Variants in MGMT observed in about 807,000 individuals in gnomAD.
MGMT encodes the protein methylated-DNA--protein-cysteine methyltransferase.
MGMT carries 14 observed loss-of-function variants against 15.9 expected under a neutral mutation model. That is an observed-to-expected ratio of 0.88 (90% CI 0.58 to 1.37). The LOEUF (loss-of-function observed/expected upper bound fraction) is 1.37, where lower values mean the gene tolerates loss of function less well. Among genes scored for constraint, MGMT ranks in the 40% most tolerant of loss-of-function variants. The probability of loss-of-function intolerance (pLI) is 0.00; values close to 1 mark genes in which losing one functional copy is unlikely to be tolerated. For synonymous variants in MGMT, 130 were observed against 118.2 expected (o/e 1.10, Z -0.65); for missense variants, 282 against 268.1 (o/e 1.05, Z -0.36).
chr10:129,492,053 C>T (rs1345960877), intron 1 of MGMT, among the ~76,000 whole-genome samples: 1 of 151,956 alleles, frequency 6.6e-6, no homozygotes, highest in Non-Finnish European at 1.5e-5. Flanking sequence ...GACTGTAAAA[C>T]CTCTGGATTG....
At chr10:129,480,463 G>A (rs940272299) in intron 1 of MGMT, among the ~76,000 whole-genome samples, 1 of 152,206 alleles carries the variant, frequency 6.6e-6, no homozygotes, top group African/African-American at 2.4e-5. Flanking sequence ...AAATATTGAT[G>A]TTTCCTAATA....
chr10:129,670,680 C>T (rs1847711015), intron 2 of MGMT, among the ~76,000 whole-genome samples: 1 of 152,050 alleles, frequency 6.6e-6, no homozygotes, highest in Admixed American at 6.6e-5. Context: ...AAGTACAGAT[C>T]CTACAGACAT....
chr10:129,768,392 G>A lies in MGMT; in HGVS notation c.*1395G>A, dbSNP rs1384850888. On this transcript the variant is annotated 3_prime_UTR_variant, in exon 5 of 5. Transcript: ENST00000651593. ...CAGGATAAGTCACACAGCGGGTCACGTAGACACGTGCTGTTTTGTGGGACA... is the reference window on the plus strand; with the variant it reads ...CAGGATAAGTCACACAGCGGGTCACATAGACACGTGCTGTTTTGTGGGACA... 2.0e-5 allele frequency among the ~76,000 whole-genome samples: 3 copies of A among 152,252 alleles called. No individual in the cohort carries two copies. Among genetic ancestry groups the A allele is most frequent in the African/African-American group, 4.8e-5 (2 of 41,470 alleles).
intron 2 of MGMT, among the ~76,000 whole-genome samples, chr10:129,548,155 C>T (rs772562586): frequency 2.0e-5 from 3 of 152,144 alleles, no homozygotes; most frequent in Admixed American, 6.5e-5. Flanking sequence ...TAGGAAAATA[C>T]AAGGCTTGGG....
At chr10:129,703,217 C>T (rs918915655) in intron 2 of MGMT, among the ~76,000 whole-genome samples, 1 of 152,130 alleles carries the variant, frequency 6.6e-6, no homozygotes, top group Non-Finnish European at 1.5e-5. Flanking sequence ...AGATCTTCAG[C>T]ACAAGCATAA....
chr10:129,536,409 G>A lies in MGMT; in HGVS notation c.125+32G>A, dbSNP rs771069496. Reference sequence around the variant, plus strand: ...ATGAGCCCACGTGATCCTGTATACCGCACATGCTGAAGCAACCGAGGAGTA... The same window carrying A: ...ATGAGCCCACGTGATCCTGTATACCACACATGCTGAAGCAACCGAGGAGTA... On this transcript the variant is annotated intron_variant, in intron 2 of 4. Coordinates refer to ENST00000651593, the MANE Select transcript of MGMT (RefSeq NM_002412.5). The A allele has an allele frequency of 8.8e-6, 14 of 1,595,188 alleles. No homozygotes were observed. The Admixed American group carries it at 9.2e-5, about 11-fold the overall frequency.
chr10:129,488,004 T>TAC (rs373298935), intron 1 of MGMT, among the ~76,000 whole-genome samples: 26,263 of 121,234 alleles, frequency 0.22, 2,845 homozygotes, highest in East Asian at 0.47. Context: ...CACATAGGTA[T>TAC]ACACACACAC....
chr10:129,594,877 C>T (rs1366434530), intron 2 of MGMT, among the ~76,000 whole-genome samples: 1 of 152,228 alleles, frequency 6.6e-6, no homozygotes, highest in Non-Finnish European at 1.5e-5. Context: ...TTACACACAT[C>T]CAGGTGACCT....
intron 2 of MGMT, among the ~76,000 whole-genome samples, chr10:129,616,867 TC>T (rs35352179): frequency 0.014 from 2,063 of 151,974 alleles, 37 homozygotes; most frequent in Non-Finnish European, 0.014. Context: ...CTCCACCTCC[TC>T]CCCCGAGGAG....
intron 2 of MGMT, among the ~76,000 whole-genome samples, chr10:129,593,806 G>A (rs1418872146): frequency 2.0e-5 from 3 of 152,208 alleles, no homozygotes. Context: ...GTAGTGGGGA[G>A]GCCTGGAGGC....
chr10:129,657,728 C>CACACACACACACACACACACACACACA (rs1554874807), intron 2 of MGMT, among the ~76,000 whole-genome samples: 2 of 136,072 alleles, frequency 1.5e-5, no homozygotes, highest in Admixed American at 7.2e-5. Flanking sequence ...CACACACACA[C>CACACACACACACACACACACACACACA]CCCCTCTCCC....
intron 1 of MGMT, among the ~76,000 whole-genome samples, chr10:129,501,440 T>C (rs12246239): frequency 0.22 from 33,127 of 152,172 alleles, 4,210 homozygotes; most frequent in Non-Finnish European, 0.29. Context: ...GTTTGGAAAA[T>C]GTGCTGAGGG....
chr10:129,748,711 G>T (rs1422232716), intron 3 of MGMT, among the ~76,000 whole-genome samples: 1 of 152,116 alleles, frequency 6.6e-6, no homozygotes, highest in African/African-American at 2.4e-5. Context: ...GCAATTATCT[G>T]TGTCTATATT....
intron 2 of MGMT, among the ~76,000 whole-genome samples, chr10:129,590,144 G>T (rs996539829): frequency 6.6e-6 from 1 of 152,208 alleles, no homozygotes; most frequent in Non-Finnish European, 1.5e-5. Flanking sequence ...GGGCTCTGCC[G>T]CAGGCCCACA....
intron 1 of MGMT, among the ~76,000 whole-genome samples, chr10:129,527,035 C>T (rs12268840): frequency 0.22 from 33,533 of 152,230 alleles, 4,284 homozygotes; most frequent in Non-Finnish European, 0.28. Flanking sequence ...AGGTGGATGC[C>T]GTGGTGGTGC....
intron 3 of MGMT, among the ~76,000 whole-genome samples, chr10:129,711,597 G>A (rs2133145896): frequency 6.6e-6 from 1 of 152,338 alleles, no homozygotes; most frequent in East Asian, 1.9e-4. Context: ...TTTTAGTCAG[G>A]TCATTTCCTA....
At chr10:129,555,451 C>T (rs543427232) in intron 2 of MGMT, among the ~76,000 whole-genome samples, 1 of 152,258 alleles carries the variant, frequency 6.6e-6, no homozygotes, top group South Asian at 2.1e-4. Context: ...TGGCTCACAC[C>T]TGTAATCCCA....
At chr10:129,726,618 A>G (rs957321358) in intron 3 of MGMT, among the ~76,000 whole-genome samples, 1 of 152,238 alleles carries the variant, frequency 6.6e-6, no homozygotes, top group Non-Finnish European at 1.5e-5. Flanking sequence ...GATCATGTAT[A>G]TATGACACTT....
chr10:129,503,813 C>A (rs1454189721), intron 1 of MGMT, among the ~76,000 whole-genome samples: 4 of 152,210 alleles, frequency 2.6e-5, no homozygotes, highest in Non-Finnish European at 4.4e-5. Flanking sequence ...TGTAGCAATG[C>A]CCCTGGTCTT....
Sources: allele counts gnomAD v4.1 joint callset (sites outside exome capture counted in the v4.1 genomes callset), GRCh38; gene constraint gnomAD v4.1.1; transcripts MANE v1.5; gene names NCBI Gene and HGNC (gene_info 2026-07-23, HGNC 2026-07-21).